The following MECOM variants were observed in gnomAD, a reference collection of about 807,000 sequenced individuals.
MECOM encodes the protein MDS1 and EVI1 complex locus, also known as histone-lysine N-methyltransferase MECOM.
Under a neutral mutation model 116.3 loss-of-function variants are expected in MECOM, and 13 were observed. The ratio of observed to expected loss-of-function variants is 0.11; its 90% CI spans 0.07 to 0.18. The LOEUF (loss-of-function observed/expected upper bound fraction) is 0.18. Ranked by LOEUF, MECOM falls within the 10% of genes least tolerant of loss-of-function variation. The pLI is 1.00. For synonymous variants in MECOM, 528 were observed against 535.2 expected (o/e 0.99, Z 0.19); for missense variants, 1,299 against 1,509.0 (o/e 0.86, Z 2.31).
chr3:169,150,552 T>C (rs1265603528), intron 2 of MECOM, among the ~76,000 whole-genome samples: 6 of 152,194 alleles, frequency 3.9e-5, no homozygotes, highest in Admixed American at 3.3e-4. Context: ...CAGCTTTAAT[T>C]TGCAAACATG....
At chr3:169,086,450 G>C in intron 16 of MECOM, 2 of 644,298 alleles carry the variant, frequency 3.1e-6, no homozygotes, top group Non-Finnish European at 2.8e-6. Flanking sequence ...AAGATAAAAA[G>C]GAGTACAAAG....
At chr3:169,216,047 A>C (rs1751385592) in intron 2 of MECOM, among the ~76,000 whole-genome samples, 3 of 152,202 alleles carry the variant, frequency 2.0e-5, no homozygotes, top group Non-Finnish European at 4.4e-5. Context: ...TTCATTATTT[A>C]GCATTTGCCA....
At chr3:169,264,414 C>T (rs1395050371) in intron 2 of MECOM, among the ~76,000 whole-genome samples, 1 of 151,958 alleles carries the variant, frequency 6.6e-6, no homozygotes, top group Non-Finnish European at 1.5e-5. Context: ...TTTATTGTAT[C>T]GGTATTTTAG....
chr3:169,145,524 C>CA (rs1012696385), intron 2 of MECOM: 57 of 218,126 alleles, frequency 2.6e-4, no homozygotes, highest in African/African-American at 5.7e-4. Context: ...CCTTGACTGG[C>CA]AAAAAAAAGA....
intron 1 of MECOM, among the ~76,000 whole-genome samples, chr3:169,387,684 C>T (rs1035117293): frequency 1.1e-4 from 17 of 152,160 alleles, no homozygotes; most frequent in Non-Finnish European, 2.2e-4. Flanking sequence ...TTATACTCAA[C>T]TGTACACATA....
chr3:169,159,888 A>G (rs1224079706), intron 2 of MECOM, among the ~76,000 whole-genome samples: 1 of 152,178 alleles, frequency 6.6e-6, no homozygotes, highest in Non-Finnish European at 1.5e-5. Context: ...AGTATCTCAT[A>G]GGGCTATTGA....
intron 1 of MECOM, among the ~76,000 whole-genome samples, chr3:169,603,646 A>T (rs1323844615): frequency 6.6e-6 from 1 of 152,118 alleles, no homozygotes; most frequent in Non-Finnish European, 1.5e-5. Context: ...TTTACTATAC[A>T]TTTTCTATGT....
At chr3:169,249,050 C>A (rs1755934790) in intron 2 of MECOM, among the ~76,000 whole-genome samples, 1 of 152,196 alleles carries the variant, frequency 6.6e-6, no homozygotes, top group South Asian at 2.1e-4. Flanking sequence ...TACCTTCCAG[C>A]ATACTCTACA....
chr3:169,178,262 G>GCGA (rs1745467597), intron 2 of MECOM, among the ~76,000 whole-genome samples: 1 of 152,210 alleles, frequency 6.6e-6, no homozygotes, highest in Admixed American at 6.5e-5. Context: ...GAATTTGCAG[G>GCGA]AGCCAGATGA....
At chr3:169,642,351 G>T (rs1309185553) in intron 1 of MECOM, among the ~76,000 whole-genome samples, 1 of 151,664 alleles carries the variant, frequency 6.6e-6, no homozygotes, top group Non-Finnish European at 1.5e-5. Context: ...TTTTAAAATA[G>T]TCGGGTAACT....
At chr3:169,626,614 T>C (rs570976929) in intron 1 of MECOM, among the ~76,000 whole-genome samples, 1 of 152,116 alleles carries the variant, frequency 6.6e-6, no homozygotes, top group Admixed American at 6.5e-5. Flanking sequence ...AGCCTTCCTC[T>C]CCCTCGTGAT....
intron 2 of MECOM, among the ~76,000 whole-genome samples, chr3:169,179,056 T>G (rs113216273): frequency 6.6e-6 from 1 of 152,198 alleles, no homozygotes; most frequent in Non-Finnish European, 1.5e-5. Flanking sequence ...AAAACAAAAG[T>G]GTGGTTAAAA....
At chr3:169,301,357 G>T (rs956826895) in intron 2 of MECOM, among the ~76,000 whole-genome samples, 3 of 152,180 alleles carry the variant, frequency 2.0e-5, no homozygotes, top group African/African-American at 7.2e-5. Context: ...GAAGCAAGAT[G>T]CCACCCAATC....
At chr3:169,607,415 CT>C (rs1213420580) in intron 1 of MECOM, among the ~76,000 whole-genome samples, 5 of 152,182 alleles carry the variant, frequency 3.3e-5, no homozygotes, top group African/African-American at 1.2e-4. Context: ...TCAGAAACTC[CT>C]TTTTAGAAAA....
At chr3:169,303,021 G>C (rs1213132233) in intron 2 of MECOM, among the ~76,000 whole-genome samples, 2 of 152,160 alleles carry the variant, frequency 1.3e-5, no homozygotes, top group Non-Finnish European at 2.9e-5. Flanking sequence ...TTTGAAGAGA[G>C]ATGACATATA....
intron 1 of MECOM, among the ~76,000 whole-genome samples, chr3:169,467,617 C>A (rs1333975429): frequency 6.6e-6 from 1 of 152,162 alleles, no homozygotes; most frequent in Non-Finnish European, 1.5e-5. Context: ...AGAAATTAAT[C>A]CTTCAAATAG....
chr3:169,236,454 G>A (rs2149535280), intron 2 of MECOM, among the ~76,000 whole-genome samples: 1 of 152,190 alleles, frequency 6.6e-6, no homozygotes, highest in East Asian at 1.9e-4. Flanking sequence ...ATGAATAAGG[G>A]GAGACATAAA....
At chr3:169,661,315 A>C (rs74617094) in intron 1 of MECOM, among the ~76,000 whole-genome samples, 421 of 37,480 alleles carry the variant, frequency 0.011, 4 homozygotes, top group Admixed American at 0.038. Context: ...TCCCCCCCCC[A>C]CACACACACT....
At chr3:169,610,499 G>A (rs796068738) in intron 1 of MECOM, among the ~76,000 whole-genome samples, 8 of 52,106 alleles carry the variant, frequency 1.5e-4, no homozygotes, top group Admixed American at 6.1e-4. Flanking sequence ...GTAATGTTAC[G>A]TGTGTGTGTG....
Sources: gnomAD v4.1 joint callset for allele counts (sites outside exome capture counted in the v4.1 genomes callset) on GRCh38, gnomAD v4.1.1 for gene constraint, MANE v1.5 for transcripts, NCBI Gene and HGNC (gene_info 2026-07-23, HGNC 2026-07-21) for gene names.